The following LPXN variants were observed in gnomAD, a reference collection of about 807,000 sequenced individuals.
The protein encoded by LPXN is leupaxin.
In LPXN, 28 loss-of-function variants were observed where a neutral mutation model predicts 45.6. That is an observed-to-expected ratio of 0.61 (90% CI 0.45 to 0.84). The LOEUF (loss-of-function observed/expected upper bound fraction) is 0.84. Ranked by LOEUF, LPXN falls within the 40% of genes least tolerant of loss-of-function variation. The pLI is 0.00. For synonymous variants in LPXN, 166 were observed against 169.9 expected (o/e 0.98, Z 0.18); for missense variants, 459 against 475.0 (o/e 0.97, Z 0.31).
At chr11:58,527,788 A>C in intron 8 of LPXN, 65 bp from the exon 9 acceptor site, 1 of 1,501,002 alleles carries the variant, frequency 6.7e-7, no homozygotes, top group Non-Finnish European at 9.1e-7. Context: ...CAGCAAAGTA[A>C]AATTTTCAGC....
At position 58,554,950 on chromosome 11, in the gene LPXN, G is replaced by A. The variant is rs777786903; in HGVS notation, c.219-10C>T. 3 of 1,583,546 alleles carry A rather than the reference G, an allele frequency of 1.9e-6. No individual in the cohort carries two copies. In the South Asian group the frequency reaches 3.3e-5, roughly 18 times the overall value. ...TGGCTCTTGGGCTTCACTATAGAGG[G>A]AAAACAAAAAAGTCATATGAACAAA... On this transcript the variant is annotated splice_polypyrimidine_tract_variant and intron_variant, in intron 3 of 8. Coordinates refer to ENST00000395074, the MANE Select transcript of LPXN (RefSeq NM_004811.3).
upstream of LPXN, chr11:58,577,965 G>C (rs1339176334): frequency 2.0e-5 from 31 of 1,546,256 alleles, no homozygotes; most frequent in Non-Finnish European, 2.6e-5. Flanking sequence ...GGACCCCATG[G>C]AACCAGATTT....
chr11:58,572,325 T>A (rs189369887), intron 1 of LPXN, among the ~76,000 whole-genome samples: 13 of 152,248 alleles, frequency 8.5e-5, no homozygotes, highest in Non-Finnish European at 1.8e-4. Context: ...AGATCTTTCA[T>A]AATCATCCAT....
intron 7 of LPXN, among the ~76,000 whole-genome samples, chr11:58,528,729 T>C (rs893024972): frequency 1.4e-4 from 21 of 152,234 alleles, no homozygotes; most frequent in African/African-American, 5.1e-4. Flanking sequence ...AAAAAAAGCA[T>C]CTGATATTTT....
At position 58,527,274 on chromosome 11, in the gene LPXN, T is replaced by G. The variant is rs564636826; in HGVS notation, c.*180A>C. ...TTATAGAATTAACTGTATAGAAGCC[T>G]AAAAAATAAGATTATCAGCCTAGTC... On this transcript the variant is annotated 3_prime_UTR_variant, in exon 9 of 9. Coordinates refer to ENST00000395074, the MANE Select transcript of LPXN (RefSeq NM_004811.3). 656 of 619,740 alleles carry G rather than the reference T, an allele frequency of 1.1e-3. 3 individuals are homozygous for G. In the African/African-American group the frequency reaches 0.011, roughly 10 times the overall value. The allele number at this position is 619,740 out of a possible 1,614,324, so 38.4% of individuals were successfully genotyped here.
At chr11:58,542,672 T>A (rs898122473) in intron 7 of LPXN, among the ~76,000 whole-genome samples, 1 of 152,056 alleles carries the variant, frequency 6.6e-6, no homozygotes, top group Non-Finnish European at 1.5e-5. Flanking sequence ...TTATTTTTTG[T>A]TTATTTACAT....
At chr11:58,565,319 G>C (rs1166509443) in intron 2 of LPXN, among the ~76,000 whole-genome samples, 1 of 151,928 alleles carries the variant, frequency 6.6e-6, no homozygotes, top group Non-Finnish European at 1.5e-5. Context: ...GGATCACGAG[G>C]TCAGGAGATC....
At chr11:58,544,416 A>AT (rs1187049614) in intron 7 of LPXN, among the ~76,000 whole-genome samples, 1 of 152,192 alleles carries the variant, frequency 6.6e-6, no homozygotes, top group Non-Finnish European at 1.5e-5. Flanking sequence ...CATAAAGCAA[A>AT]TGACACAAAA....
chr11:58,551,055 C>A lies in LPXN; in HGVS notation c.486+10G>T. ...GAAGGCTGTAGGACCAAAATTTCAG[C>A]CCATCTCACCTTCCCAGCAATCGGT... On this transcript the variant is annotated intron_variant, in intron 5 of 8. Coordinates refer to ENST00000395074, the MANE Select transcript of LPXN (RefSeq NM_004811.3). 1.3e-6 allele frequency: 2 copies of A among 1,544,380 alleles called. No individual in the cohort carries two copies. Among genetic ancestry groups the A allele is most frequent in the South Asian group, 2.5e-5 (2 of 80,472 alleles).
At chr11:58,542,370 T>C (rs1018908071) in intron 7 of LPXN, among the ~76,000 whole-genome samples, 4 of 151,964 alleles carry the variant, frequency 2.6e-5, no homozygotes, top group Admixed American at 2.0e-4. Flanking sequence ...TATGGAATGA[T>C]CCATATATTC....
At chr11:58,561,934 C>T (rs1349364661) in intron 3 of LPXN, among the ~76,000 whole-genome samples, 1 of 152,140 alleles carries the variant, frequency 6.6e-6, no homozygotes, top group South Asian at 2.1e-4. Context: ...AAGAGAAGAA[C>T]CTTTGATTTG....
intron 2 of LPXN, among the ~76,000 whole-genome samples, chr11:58,564,866 C>T (rs926573264): frequency 2.6e-5 from 4 of 152,030 alleles, no homozygotes; most frequent in African/African-American, 9.7e-5. Flanking sequence ...GAAGAGAACG[C>T]TTGAGCAAGG....
At chr11:58,529,488 T>C (rs931839546) in intron 7 of LPXN, among the ~76,000 whole-genome samples, 1 of 151,446 alleles carries the variant, frequency 6.6e-6, no homozygotes, top group African/African-American at 2.4e-5. Context: ...CGAGCGCCTG[T>C]AGTCCCAGCT....
chr11:58,565,992 T>C (rs1416724326), intron 2 of LPXN, among the ~76,000 whole-genome samples: 1 of 152,316 alleles, frequency 6.6e-6, no homozygotes, highest in African/African-American at 2.4e-5. Context: ...AGTGACACTC[T>C]GTCTCAACAA....
At chr11:58,573,480 T>C (rs1218157297) in intron 1 of LPXN, among the ~76,000 whole-genome samples, 1 of 152,102 alleles carries the variant, frequency 6.6e-6, no homozygotes, top group East Asian at 1.9e-4. Flanking sequence ...AAAAAGCCAT[T>C]TACAATAAAG....
At chr11:58,548,364 A>T (rs559532606) in intron 7 of LPXN, among the ~76,000 whole-genome samples, 2 of 152,044 alleles carry the variant, frequency 1.3e-5, no homozygotes, top group East Asian at 3.9e-4. Context: ...AAGTTAATGA[A>T]CCAGAATGAC....
At position 58,530,000 on chromosome 11, in the gene LPXN, C is replaced by T. The variant is rs187626646; in HGVS notation, c.743-1809G>A. Among the ~76,000 whole-genome samples, 57 of 152,332 alleles carry T rather than the reference C, an allele frequency of 3.7e-4. 1 individual carries two copies. The highest frequency in any genetic ancestry group is 1.2e-3 in the African/African-American group (51 of 41,574). On this transcript the variant is annotated intron_variant, in intron 7 of 8. Transcript: ENST00000395074. The stretch of plus-strand genomic sequence containing the variant: ...CTGTGCCGTGAGGAACAGTGCACTC[C>T]GGCCCAGATACTGTGCTTTTCCCAT...
chr11:58,567,999 C>A (rs1854573802), intron 2 of LPXN, among the ~76,000 whole-genome samples: 1 of 152,192 alleles, frequency 6.6e-6, no homozygotes, highest in South Asian at 2.1e-4. Context: ...ATTTGTATGA[C>A]ATTAAGCCAC....
Position 58,554,917 on chromosome 11 carries a change from G to A in LPXN, c.242C>T (p.Ser81Leu). The A allele has an allele frequency of 6.2e-7, 1 of 1,613,934 alleles. No individual in the cohort carries two copies. The highest frequency in any genetic ancestry group is 8.5e-7 in the Non-Finnish European group (1 of 1,179,902). The change falls in exon 4 of 9, where the codon TCA (serine) becomes TTA (leucine). Residue 81 changes from serine (S) to leucine (L), a missense_variant. By Grantham distance (145) the Ser-to-Leu change is moderately radical (BLOSUM62 -2). Transcript: ENST00000395074. ...TGCTGACGTTTTAGAAGGTGGTGGTGATTCCTTTGGCTCTTGGGCTTCACT... is the reference window on the plus strand; with the variant it reads ...TGCTGACGTTTTAGAAGGTGGTGGTAATTCCTTTGGCTCTTGGGCTTCACT... Reference protein sequence around the residue: ...VYSEAQEPKESPPPSKTSAAA... With the variant: ...VYSEAQEPKELPPPSKTSAAA...
Sources: allele counts gnomAD v4.1 joint callset (sites outside exome capture counted in the v4.1 genomes callset), GRCh38; gene constraint gnomAD v4.1.1; transcripts MANE v1.5; gene names NCBI Gene and HGNC (gene_info 2026-07-23, HGNC 2026-07-21).